Variants in ANKRD11 observed in about 807,000 individuals in gnomAD.
ANKRD11 encodes ankyrin repeat domain-containing protein 11.
Under a neutral mutation model 195.7 loss-of-function variants are expected in ANKRD11, and 17 were observed. The ratio of observed to expected loss-of-function variants is 0.09; its 90% CI spans 0.06 to 0.13. The LOEUF is 0.13. Ranked by LOEUF, ANKRD11 falls within the 10% of genes least tolerant of loss-of-function variation. ANKRD11 has a pLI of 1.00. For synonymous variants in ANKRD11, 1,953 were observed against 1,528.1 expected, an observed-to-expected ratio of 1.28 and a Z score of -6.49; for missense variants, 3,735 against 3,566.1, an observed-to-expected ratio of 1.05 and a Z score of -1.21.
chr16:89,483,355 T>C (rs1370022418), intron 1 of ANKRD11, among the ~76,000 whole-genome samples: 1 of 152,168 alleles, frequency 6.6e-6, no homozygotes, highest in Non-Finnish European at 1.5e-5. Flanking sequence ...TTTAGCAGAA[T>C]CAGATCTAAA....
intron 4 of ANKRD11, chr16:89,301,332 G>T (rs2035841626): frequency 1.0e-5 from 4 of 387,592 alleles, no homozygotes; most frequent in Non-Finnish European, 1.8e-5. Context: ...AGTATCATTT[G>T]AAGCAAATCC....
intron 2 of ANKRD11, among the ~76,000 whole-genome samples, chr16:89,336,752 G>A (rs1002926417): frequency 3.9e-5 from 6 of 152,144 alleles, no homozygotes; most frequent in African/African-American, 7.2e-5. Flanking sequence ...TGCTTCTAAT[G>A]TTCTGACTAC....
Position 89,291,885 on chromosome 16 carries a change from A to G in ANKRD11, c.227-702T>C, listed in dbSNP as rs2035084594. On this transcript the variant is annotated intron_variant, in intron 4 of 12. Coordinates refer to ENST00000301030, the MANE Select transcript of ANKRD11 (RefSeq NM_013275.6). This position sits in a 1 kb window ranked among gnomAD's most constrained non-coding sequence, Gnocchi z 5.3. ...ACCCTGCACTCATCTGACCCGTTAC[A>G]GAACACTCGGCTGGCGTCTAACGCA... 19 of 710,084 alleles carry G rather than the reference A, an allele frequency of 2.7e-5. No homozygotes were observed. In the South Asian group the frequency reaches 2.7e-4, roughly 10 times the overall value. 44.0% of individuals were successfully genotyped at this position (710,084 alleles called of 1,614,324 possible).
At position 89,438,372 on chromosome 16, in the gene ANKRD11, T is replaced by C. The variant is rs144085413; in HGVS notation, c.-144-20004A>G. Reference sequence around the variant, plus strand: ...TCTCACTCTGTTGCCCAGGCTGGAGTGCAGTGGTGCGATCTCAGCTCACTG... The same window carrying C: ...TCTCACTCTGTTGCCCAGGCTGGAGCGCAGTGGTGCGATCTCAGCTCACTG... On this transcript the variant is annotated intron_variant, in intron 1 of 12. Coordinates refer to ENST00000301030, the MANE Select transcript of ANKRD11 (RefSeq NM_013275.6). 8.7e-3 allele frequency among the ~76,000 whole-genome samples: 1,310 copies of C among 151,430 alleles called. 9 individuals are homozygous for C. Among genetic ancestry groups the C allele is most frequent in the Non-Finnish European group, 0.015 (994 of 67,878 alleles).
At chr16:89,309,997 C>T (rs776157146) in intron 3 of ANKRD11, among the ~76,000 whole-genome samples, 6 of 152,310 alleles carry the variant, frequency 3.9e-5, no homozygotes, top group Non-Finnish European at 7.3e-5. Flanking sequence ...TATCACATCA[C>T]GACTTCCACT....
At chr16:89,381,016 C>G (rs1179717991) in intron 2 of ANKRD11, among the ~76,000 whole-genome samples, 4 of 152,032 alleles carry the variant, frequency 2.6e-5, no homozygotes, top group Non-Finnish European at 5.9e-5. Flanking sequence ...GGTAAACAAT[C>G]GATCCAAAAA....
intron 1 of ANKRD11, among the ~76,000 whole-genome samples, chr16:89,471,812 A>G (rs1312961864): frequency 2.0e-5 from 3 of 146,744 alleles, no homozygotes; most frequent in African/African-American, 7.6e-5. Context: ...AAAAAAAGAT[A>G]TGATTTCATT....
At chr16:89,467,611 C>T (rs557776646) in intron 1 of ANKRD11, among the ~76,000 whole-genome samples, 23 of 152,166 alleles carry the variant, frequency 1.5e-4, no homozygotes, top group African/African-American at 3.6e-4. Flanking sequence ...AGTGATCCCC[C>T]GCCTTGGCCT....
chr16:89,302,542 C>G (rs759453070), intron 4 of ANKRD11, among the ~76,000 whole-genome samples: 2 of 152,148 alleles, frequency 1.3e-5, no homozygotes, highest in African/African-American at 4.8e-5. Context: ...TGAGCCACCG[C>G]GCCTGGCTGT....
intron 1 of ANKRD11, among the ~76,000 whole-genome samples, chr16:89,461,937 T>C (rs561984820): frequency 2.0e-5 from 3 of 152,204 alleles, no homozygotes; most frequent in South Asian, 2.1e-4. Flanking sequence ...GCAGAGCATC[T>C]ATTGAAAAAG....
intron 2 of ANKRD11, among the ~76,000 whole-genome samples, chr16:89,339,471 G>C (rs558649654): frequency 6.9e-6 from 1 of 144,294 alleles, no homozygotes; most frequent in African/African-American, 2.4e-5. Flanking sequence ...ATCCTGCCCT[G>C]AGTGCACGCA....
At position 89,441,506 on chromosome 16, in the gene ANKRD11, G is replaced by A. The variant is rs150584735; in HGVS notation, c.-144-23138C>T. Reference sequence around the variant, plus strand: ...AACCTGGCCGGGCGCGGTGGCTCACGCCTGTAATCCCAGCACTTTGGGAGG... The same window carrying A: ...AACCTGGCCGGGCGCGGTGGCTCACACCTGTAATCCCAGCACTTTGGGAGG... On this transcript the variant is annotated intron_variant, in intron 1 of 12. Transcript: ENST00000301030. Among the ~76,000 whole-genome samples the A allele has an allele frequency of 5.1e-4, 78 of 152,038 alleles. No homozygotes were observed. The East Asian group carries it at 7.4e-3, about 14-fold the overall frequency.
chr16:89,417,464 C>A (rs185274639), intron 2 of ANKRD11, among the ~76,000 whole-genome samples: 2 of 152,164 alleles, frequency 1.3e-5, no homozygotes, highest in African/African-American at 4.8e-5. Flanking sequence ...TGCCCTACAG[C>A]GACACGTGCT....
intron 2 of ANKRD11, chr16:89,324,133 C>T (rs544252048): frequency 1.1e-6 from 1 of 871,436 alleles, no homozygotes; most frequent in African/African-American, 1.8e-5. Flanking sequence ...GCACAACGCT[C>T]TCTACTGCAG....
At chr16:89,455,780 A>G (rs2056408623) in intron 1 of ANKRD11, among the ~76,000 whole-genome samples, 1 of 152,212 alleles carries the variant, frequency 6.6e-6, no homozygotes, top group South Asian at 2.1e-4. Flanking sequence ...CCTATCTGGT[A>G]GGAATGTAAA....
intron 2 of ANKRD11, among the ~76,000 whole-genome samples, chr16:89,385,958 G>A (rs979327322): frequency 5.9e-5 from 9 of 152,208 alleles, no homozygotes; most frequent in African/African-American, 1.7e-4. Context: ...ACAGCGGACA[G>A]CAGTCCAGAA....
chr16:89,280,869 G>A lies in ANKRD11; in HGVS notation c.5673C>T (p.Ser1891=), dbSNP rs750298108. 4.4e-6 allele frequency: 7 copies of A among 1,604,646 alleles called. No individual in the cohort carries two copies. In the African/African-American group the frequency reaches 8.0e-5, roughly 18 times the overall value. Residue 1891 remains serine, a synonymous_variant, in exon 9 of 13, where the codon TCC becomes TCT. Transcript: ENST00000301030. ...GVFSSLQAKP[S]PSPRAELLVP... is the part of the protein sequence containing the mutation. Reference sequence around the variant, plus strand: ...CCAGCAGCTCGGCTCTGGGGGAAGGGGAAGGTTTTGCTTGTAAACTTGAGA... The same window carrying A: ...CCAGCAGCTCGGCTCTGGGGGAAGGAGAAGGTTTTGCTTGTAAACTTGAGA...
At chr16:89,286,825 A>G in intron 7 of ANKRD11, 1 of 1,287,316 alleles carries the variant, frequency 7.8e-7, no homozygotes, top group Non-Finnish European at 1.0e-6. Flanking sequence ...TCCTATGCCC[A>G]GAACAGCAAT....
At chr16:89,348,557 A>C (rs2039051484) in intron 2 of ANKRD11, among the ~76,000 whole-genome samples, 1 of 152,210 alleles carries the variant, frequency 6.6e-6, no homozygotes, top group South Asian at 2.1e-4. Flanking sequence ...ACAAATGACC[A>C]AGTCAGTCAT....
Sources: allele counts gnomAD v4.1 joint callset (sites outside exome capture counted in the v4.1 genomes callset), GRCh38; gene constraint gnomAD v4.1.1; non-coding constraint Gnocchi (gnomAD v3.1); transcripts MANE v1.5; gene names NCBI Gene and HGNC (gene_info 2026-07-23, HGNC 2026-07-21).